CHODL: variants seen among roughly 807,000 people sequenced by gnomAD.
CHODL encodes chondrolectin, also known as transmembrane protein MT75.
Under a neutral mutation model 34.5 loss-of-function variants are expected in CHODL, and 29 were observed. The ratio of observed to expected loss-of-function variants is 0.84; its 90% CI spans 0.63 to 1.15. The LOEUF (loss-of-function observed/expected upper bound fraction) is 1.15. Among genes scored for constraint, CHODL ranks in the 50% most tolerant of loss-of-function variants. CHODL has a pLI of 0.00. For synonymous variants in CHODL, 125 were observed against 116.1 expected, an observed-to-expected ratio of 1.08 and a Z score of -0.49; for missense variants, 332 against 332.5, an observed-to-expected ratio of 1.00 and a Z score of 0.01.
At chr21:18,185,761 C>T (rs1371722721) in intron 2 of CHODL, among the ~76,000 whole-genome samples, 1 of 152,170 alleles carries the variant, frequency 6.6e-6, no homozygotes, top group African/African-American at 2.4e-5. Context: ...AGTCCAAGAT[C>T]AAGGCACCAA....
intron 1 of CHODL, among the ~76,000 whole-genome samples, chr21:17,918,521 A>C (rs2063158833): frequency 6.6e-6 from 1 of 151,698 alleles, no homozygotes; most frequent in African/African-American, 2.4e-5. Context: ...AAAACATCAA[A>C]TGTCTTGAGA....
intron 1 of CHODL, among the ~76,000 whole-genome samples, chr21:17,970,900 C>T (rs1265098585): frequency 1.5e-4 from 23 of 152,036 alleles, no homozygotes; most frequent in Admixed American, 1.5e-3. Context: ...CACCCCCCAA[C>T]AGGCCCTGGT....
At chr21:18,252,469 G>T (rs974553084) in intron 1 of CHODL, among the ~76,000 whole-genome samples, 2 of 152,066 alleles carry the variant, frequency 1.3e-5, no homozygotes, top group African/African-American at 4.8e-5. Context: ...GGCAACATTT[G>T]TTTCCCAGCT....
intron 2 of CHODL, among the ~76,000 whole-genome samples, chr21:18,220,453 T>A (rs1174281518): frequency 6.6e-6 from 1 of 152,182 alleles, no homozygotes; most frequent in Non-Finnish European, 1.5e-5. Flanking sequence ...TGGCTTTCTG[T>A]ACTAACAATG....
intron 2 of CHODL, among the ~76,000 whole-genome samples, chr21:18,087,010 A>T (rs1600984777): frequency 6.6e-6 from 1 of 152,224 alleles, no homozygotes; most frequent in East Asian, 1.9e-4. Flanking sequence ...AGGTTGGGTG[A>T]GCTAGTCCCC....
At chr21:17,981,604 A>G (rs768899690) in intron 1 of CHODL, among the ~76,000 whole-genome samples, 3 of 152,168 alleles carry the variant, frequency 2.0e-5, no homozygotes, top group Non-Finnish European at 4.4e-5. Context: ...AGAAGGAATA[A>G]TACGTCAAAC....
intron 2 of CHODL, among the ~76,000 whole-genome samples, chr21:18,230,167 T>A (rs2073966265): frequency 6.6e-6 from 1 of 152,154 alleles, no homozygotes; most frequent in African/African-American, 2.4e-5. Flanking sequence ...CTTTGATAAT[T>A]TTCTCAGTGC....
intron 2 of CHODL, among the ~76,000 whole-genome samples, chr21:18,098,871 A>G (rs1009930153): frequency 6.6e-6 from 1 of 152,090 alleles, no homozygotes; most frequent in African/African-American, 2.4e-5. Flanking sequence ...TGGTACATAC[A>G]CCCAATGGAG....
intron 2 of CHODL, among the ~76,000 whole-genome samples, chr21:18,151,863 G>GT (rs1241172894): frequency 6.6e-6 from 1 of 152,040 alleles, no homozygotes; most frequent in Non-Finnish European, 1.5e-5. Flanking sequence ...ACAGTTTGAG[G>GT]TTTTTTCTTC....
rs2072676171 is a variant in CHODL, at chr21:18,133,051, GGTTT to G, written c.-45+105084_-45+105087del. 2.6e-5 allele frequency among the ~76,000 whole-genome samples: 4 copies of G among 151,756 alleles called. No individual in the cohort carries two copies. In the South Asian group the frequency reaches 8.3e-4, roughly 32 times the overall value. The stretch of plus-strand genomic sequence containing the variant: ...TACAGTGCTTGTTTAACTCTTATGG[GGTTT>G]GTTCTATTAAATTACACTCCATAAT... On this transcript the variant is annotated intron_variant, in intron 2 of 6. Coordinates refer to the CHODL transcript ENST00000400127.
At chr21:18,226,514 G>A (rs995551449) in intron 2 of CHODL, among the ~76,000 whole-genome samples, 11 of 152,036 alleles carry the variant, frequency 7.2e-5, no homozygotes, top group African/African-American at 2.2e-4. Context: ...GGCCAGGCTG[G>A]TCTTGAACTT....
At chr21:18,008,477 A>T (rs2063981455) in intron 1 of CHODL, among the ~76,000 whole-genome samples, 1 of 151,694 alleles carries the variant, frequency 6.6e-6, no homozygotes, top group Admixed American at 6.6e-5. Context: ...ACAACTCTCC[A>T]TTTCCCCCTC....
At chr21:18,088,635 G>C (rs561747485) in intron 2 of CHODL, among the ~76,000 whole-genome samples, 6 of 152,306 alleles carry the variant, frequency 3.9e-5, no homozygotes, top group Admixed American at 3.3e-4. Flanking sequence ...TGGGCAAGCT[G>C]CCTCAAACCC....
intron 2 of CHODL, among the ~76,000 whole-genome samples, chr21:18,220,503 A>T (rs1347670954): frequency 6.6e-6 from 1 of 152,014 alleles, no homozygotes; most frequent in African/African-American, 2.4e-5. Context: ...TCTTCCAATG[A>T]TGTTTATACT....
chr21:18,227,957 T>C (rs555976514), intron 2 of CHODL, among the ~76,000 whole-genome samples: 26 of 152,282 alleles, frequency 1.7e-4, no homozygotes, highest in Non-Finnish European at 2.9e-4. Context: ...CACTATTATA[T>C]AACTGACAAC....
chr21:18,075,396 G>A (rs1173278835), intron 2 of CHODL, among the ~76,000 whole-genome samples: 1 of 152,112 alleles, frequency 6.6e-6, no homozygotes, highest in Non-Finnish European at 1.5e-5. Flanking sequence ...TAAATTCCAA[G>A]ACATCTCTTT....
At chr21:17,941,128 A>T (rs925088782) in intron 1 of CHODL, among the ~76,000 whole-genome samples, 3 of 152,230 alleles carry the variant, frequency 2.0e-5, no homozygotes, top group South Asian at 2.1e-4. Flanking sequence ...CATTCTTGTC[A>T]GTCTTACTTT....
Position 18,245,156 on chromosome 21 carries a change from C to A in CHODL, c.-68C>A. 3.8e-6 allele frequency: 5 copies of A among 1,329,738 alleles called. No individual in the cohort carries two copies. The highest frequency in any genetic ancestry group is 3.0e-5 in the East Asian group (1 of 33,298). 82.4% of individuals were successfully genotyped at this position (1,329,738 alleles called of 1,614,324 possible). The stretch of plus-strand genomic sequence containing the variant: ...GGCAGGGAGGCTGCAGAGTCAGAGT[C>A]GCGGGCTGCGCCCTGGGCAGAGGCC... On this transcript the variant is annotated 5_prime_UTR_variant, in exon 1 of 6. Transcript: ENST00000299295.
intron 1 of CHODL, among the ~76,000 whole-genome samples, chr21:17,954,769 A>G (rs2146345368): frequency 7.5e-6 from 1 of 133,326 alleles, no homozygotes; most frequent in East Asian, 2.2e-4. Context: ...GTTACAGCTC[A>G]GCCTCCATAA....
Sources: gnomAD v4.1 joint callset for allele counts (sites outside exome capture counted in the v4.1 genomes callset) on GRCh38, gnomAD v4.1.1 for gene constraint, MANE v1.5 for transcripts, NCBI Gene and HGNC (gene_info 2026-07-23, HGNC 2026-07-21) for gene names.